KDM6A: variants seen among roughly 807,000 people sequenced by gnomAD.
KDM6A encodes lysine demethylase 6A, also known as lysine-specific demethylase 6A.
A neutral mutation model predicts 117.6 loss-of-function variants in KDM6A; 11 were observed. The ratio of observed to expected loss-of-function variants is 0.09; its 90% confidence interval spans 0.06 to 0.15. The LOEUF is 0.15. KDM6A is among the 10% of genes least tolerant of loss of function. The pLI, the probability that KDM6A is intolerant of heterozygous loss-of-function variation, is 1.00. For missense variants in KDM6A, 799 were observed against 1,077.3 expected (o/e 0.74, Z 3.62); for synonymous variants, 384 against 396.1 (o/e 0.97, Z 0.36).
chrX:44,914,424 T>G (rs1222811530), intron 2 of KDM6A, among the ~76,000 whole-genome samples: 1 of 111,755 alleles, frequency 8.9e-6, no homozygotes, highest in African/African-American at 3.3e-5. Context: ...TAGGATATGT[T>G]AGAATGATGT....
At chrX:44,915,433 C>T (rs1181854519) in intron 2 of KDM6A, among the ~76,000 whole-genome samples, 1 of 111,784 alleles carries the variant, frequency 8.9e-6, no homozygotes, top group Non-Finnish European at 1.9e-5. Flanking sequence ...TCTGTATTCT[C>T]CCTGTTGGAG....
chrX:45,066,534 T>G (rs1602840538), intron 17 of KDM6A, among the ~76,000 whole-genome samples: 3 of 111,618 alleles, frequency 2.7e-5, no homozygotes, highest in South Asian at 3.7e-4. Context: ...GGATGGGATT[T>G]TGGGGGTTCA....
intron 3 of KDM6A, among the ~76,000 whole-genome samples, chrX:44,961,662 G>A (rs1160337934): frequency 8.9e-6 from 1 of 111,934 alleles, no homozygotes; most frequent in East Asian, 2.8e-4. Flanking sequence ...AAGTGACCCA[G>A]TTTGATATAG....
chrX:44,920,881 T>C (rs2035886897), intron 2 of KDM6A, among the ~76,000 whole-genome samples: 1 of 104,141 alleles, frequency 9.6e-6, no homozygotes, highest in African/African-American at 3.5e-5. Flanking sequence ...CTTTTTCTTT[T>C]TTTTTTTTTT....
Position 45,082,640 on chromosome X carries a change from A to G in KDM6A, c.3365A>G (p.Asn1122Ser). ...HSDSESTSSD[N>S]SGRRRKGPFK... is the part of the protein sequence containing the mutation. ...GATAGTGAATCTACATCGTCAGATA[A>G]GTAAGTCATTTTTAATGTCCACTTA... Residue 1122 changes from asparagine to serine, a missense_variant and splice_region_variant, in exon 22 of 30, where the codon AAT (asparagine) becomes AGT (serine). This residue lies in a region of KDM6A where 291 missense variants were observed against 437.9 expected (regional missense o/e 0.66). Transcript: ENST00000611820. The G allele has an allele frequency of 8.4e-7, 1 of 1,183,532 alleles. No individual in the cohort carries two copies. The highest frequency in any genetic ancestry group is 1.7e-5 in the African/African-American group (1 of 57,201).
At chrX:45,062,515 T>C (rs2044344530) in intron 15 of KDM6A, 132 bp from the exon 16 acceptor site, 2 of 485,597 alleles carry the variant, frequency 4.1e-6, no homozygotes, top group Non-Finnish European at 7.4e-6. Context: ...TGTGTGACTG[T>C]TGGTCAGAAG....
chrX:45,076,284 GAC>G (rs893626501), intron 18 of KDM6A, among the ~76,000 whole-genome samples: 1 of 111,378 alleles, frequency 9.0e-6, no homozygotes, highest in Non-Finnish European at 1.9e-5. Context: ...GCTAAGATGA[GAC>G]ACAGGAAAAG....
At chrX:44,974,765 A>G in intron 4 of KDM6A, 50 bp downstream of exon 4, 1 of 882,121 alleles carries the variant, frequency 1.1e-6, no homozygotes, top group Non-Finnish European at 1.7e-6. Flanking sequence ...TGGGCAGATT[A>G]TTGCCAATTA....
At chrX:45,109,933 A>G in intron 28 of KDM6A, 146 bp from the exon 29 acceptor site, 1 of 538,741 alleles carries the variant, frequency 1.9e-6, no homozygotes, top group Non-Finnish European at 3.1e-6. Context: ...AAGATTCTCA[A>G]ACACAGCCAT....
chrX:44,986,206 T>C (rs1479658957), intron 4 of KDM6A, among the ~76,000 whole-genome samples: 3 of 112,149 alleles, frequency 2.7e-5, no homozygotes, highest in South Asian at 7.3e-4. Context: ...TAGAGGTGTT[T>C]ATAGTATTCT....
At position 45,083,607 on chromosome X, in the gene KDM6A, A is replaced by G. The variant is rs2148154612; in HGVS notation, c.3588A>G (p.Pro1196=). The G allele has an allele frequency of 1.7e-6, 2 of 1,204,459 alleles. No individual in the cohort carries two copies. The highest frequency in any genetic ancestry group is 2.3e-6 in the Non-Finnish European group (2 of 888,832). The stretch of plus-strand genomic sequence containing the variant: ...TGAAAGTTCCAGGGAGCAGAACACC[A>G]GGTAATTTGTATGAACTAACATATC... ...LYMKVPGSRT[P]GHQENNNFCS... is the part of the protein sequence containing the mutation. Residue 1196 remains proline, a splice_region_variant and synonymous_variant, in exon 24 of 30, where the codon CCA becomes CCG. Coordinates refer to ENST00000611820, the MANE Select transcript of KDM6A (RefSeq NM_001291415.2).
chrX:44,983,173 G>C (rs1298645057), intron 4 of KDM6A, among the ~76,000 whole-genome samples: 1 of 111,727 alleles, frequency 9.0e-6, no homozygotes, highest in Non-Finnish European at 1.9e-5. Flanking sequence ...ACACATCTTA[G>C]AAATTATTAT....
chrX:45,053,748 GT>G, intron 9 of KDM6A, 80 bp from the exon 10 acceptor site: 1 of 822,805 alleles, frequency 1.2e-6, no homozygotes, highest in Non-Finnish European at 1.8e-6. Flanking sequence ...TACTTTTTTG[GT>G]TTGTTTTCTG....
At position 44,952,535 on chromosome X, in the gene KDM6A, C is replaced by G. The variant is rs766424864; in HGVS notation, c.226-8749C>G. Among the ~76,000 whole-genome samples the G allele has an allele frequency of 8.9e-4, 99 of 111,060 alleles. 1 individual carries two copies. The highest frequency in any genetic ancestry group is 7.8e-3 in the Admixed American group (81 of 10,438). On this transcript the variant is annotated intron_variant, in intron 2 of 29. Transcript: ENST00000611820. Reference sequence around the variant, plus strand: ...TGATCAACCCGCCTCGGCCTCCCACCGTGCTGTGATTATAGGCGCGAGCCA... The same window carrying G: ...TGATCAACCCGCCTCGGCCTCCCACGGTGCTGTGATTATAGGCGCGAGCCA...
chrX:44,950,249 C>T (rs2037909743), intron 2 of KDM6A, among the ~76,000 whole-genome samples: 1 of 110,811 alleles, frequency 9.0e-6, no homozygotes, highest in South Asian at 3.8e-4. Context: ...CTCCTGACAT[C>T]GTGATCCACC....
chrX:44,944,670 A>G (rs891545785), intron 2 of KDM6A, among the ~76,000 whole-genome samples: 5 of 111,558 alleles, frequency 4.5e-5, no homozygotes, highest in Non-Finnish European at 1.9e-5. Flanking sequence ...TATATATTTC[A>G]TATTTTTGGA....
At chrX:44,985,752 A>T (rs2040185071) in intron 4 of KDM6A, among the ~76,000 whole-genome samples, 1 of 111,763 alleles carries the variant, frequency 8.9e-6, no homozygotes, top group Non-Finnish European at 1.9e-5. Context: ...CATCCCAGGG[A>T]TGAAGCCCAC....
chrX:45,110,317 CTGA>C lies in KDM6A; in HGVS notation c.4332+70_4332+72del, dbSNP rs749339758. ...GAAGCAGCAGTGTTTGCTCTGCCAC[CTGA>C]TAAGTAGGAGGTAATGAAATATTTT... On this transcript the variant is annotated intron_variant, in intron 29 of 29. Transcript: ENST00000611820. The C allele has an allele frequency of 8.6e-5, 81 of 939,508 alleles. No individual in the cohort carries two copies. In the East Asian group the frequency reaches 1.3e-3, roughly 15 times the overall value. The allele number at this position is 939,508 out of a possible 1,213,427, so 77.4% of individuals were successfully genotyped here.
intron 10 of KDM6A, among the ~76,000 whole-genome samples, chrX:45,055,086 C>G (rs1179863340): frequency 9.0e-6 from 1 of 111,127 alleles, no homozygotes; most frequent in Non-Finnish European, 1.9e-5. Flanking sequence ...TCTTCCTGCT[C>G]TAAAGGTTCC....
Sources: allele counts gnomAD v4.1 joint callset (sites outside exome capture counted in the v4.1 genomes callset), GRCh38; gene constraint gnomAD v4.1.1; regional missense constraint gnomAD v4.1.1; transcripts MANE v1.5; gene names NCBI Gene and HGNC (gene_info 2026-07-23, HGNC 2026-07-21).